The following TBC1D5 variants were observed in gnomAD, a reference collection of about 807,000 sequenced individuals.
The protein encoded by TBC1D5 is TBC1 domain family member 5.
TBC1D5 carries 75 observed loss-of-function variants against 100.3 expected under a neutral mutation model. That is an observed-to-expected ratio of 0.75 (90% confidence interval 0.62 to 0.91). The LOEUF (loss-of-function observed/expected upper bound fraction) is 0.91, where lower values mean the gene tolerates loss of function less well. Ranked by LOEUF, TBC1D5 falls within the 40% of genes least tolerant of loss-of-function variation. TBC1D5 has a pLI of 0.00. For synonymous variants in TBC1D5, 323 were observed against 325.6 expected (o/e 0.99, Z 0.09); for missense variants, 910 against 942.4 (o/e 0.97, Z 0.45).
chr3:17,593,898 T>C (rs146937912), intron 2 of TBC1D5, among the ~76,000 whole-genome samples: 1 of 152,248 alleles, frequency 6.6e-6, no homozygotes, highest in Non-Finnish European at 1.5e-5. Context: ...CGGCGTCTAA[T>C]ATATGGTACT....
At chr3:17,609,008 T>C (rs1018440390) in intron 2 of TBC1D5, among the ~76,000 whole-genome samples, 3 of 152,222 alleles carry the variant, frequency 2.0e-5, no homozygotes, top group East Asian at 3.8e-4. Flanking sequence ...ACTATTTTGC[T>C]TCCTAGATCT....
intron 15 of TBC1D5, among the ~76,000 whole-genome samples, chr3:17,266,570 A>G (rs2078874299): frequency 6.6e-6 from 1 of 152,184 alleles, no homozygotes; most frequent in Non-Finnish European, 1.5e-5. Flanking sequence ...TACTTAGTAT[A>G]AAATAAATTC....
At chr3:17,678,556 C>T (rs1221368388) in intron 1 of TBC1D5, among the ~76,000 whole-genome samples, 5 of 150,778 alleles carry the variant, frequency 3.3e-5, no homozygotes, top group African/African-American at 9.8e-5. Flanking sequence ...AGAAAAGACA[C>T]TAAGAAGCAA....
At chr3:17,206,987 G>T (rs6442673) in intron 18 of TBC1D5, among the ~76,000 whole-genome samples, 152,292 of 152,292 alleles carry the variant, frequency 1, 76,146 homozygotes, top group Non-Finnish European at 1. Context: ...CAAGCTGGAG[G>T]TCAGTGGCAC....
At chr3:17,429,676 G>T (rs989722882) in intron 3 of TBC1D5, among the ~76,000 whole-genome samples, 4 of 151,820 alleles carry the variant, frequency 2.6e-5, no homozygotes, top group Admixed American at 2.0e-4. Context: ...AGTATCTAAG[G>T]TACTATACTT....
At chr3:17,735,308 A>AACTAAAAGTTACG (rs2076876537) in intron 1 of TBC1D5, among the ~76,000 whole-genome samples, 1 of 152,220 alleles carries the variant, frequency 6.6e-6, no homozygotes, top group African/African-American at 2.4e-5. Flanking sequence ...ATGAAATAGT[A>AACTAAAAGTTACG]TGGGGCCACT....
At chr3:17,355,502 A>G (rs1046531234) in intron 13 of TBC1D5, among the ~76,000 whole-genome samples, 1 of 152,160 alleles carries the variant, frequency 6.6e-6, no homozygotes, top group Non-Finnish European at 1.5e-5. Flanking sequence ...TACAAGTTTT[A>G]CTCTAAAGTA....
intron 1 of TBC1D5, among the ~76,000 whole-genome samples, chr3:17,723,103 T>C (rs1227466890): frequency 6.6e-6 from 1 of 152,194 alleles, no homozygotes; most frequent in Non-Finnish European, 1.5e-5. Context: ...AGTGCAACTA[T>C]TATTAACTAT....
In TBC1D5 at chr3:17,258,217, A is replaced by C. The variant is rs79385134; in HGVS notation, c.1331+289T>G. On this transcript the variant is annotated intron_variant, in intron 16 of 21. Coordinates refer to ENST00000253692, the Ensembl canonical transcript of TBC1D5. ...ATCAACAGCAAAAATCTAGAAAGAG[A>C]TTATACAAGTAGGCACAATTTATGC... 2.0e-5 allele frequency among the ~76,000 whole-genome samples: 3 copies of C among 152,258 alleles called. No individual in the cohort carries two copies. In the East Asian group the frequency reaches 5.8e-4, roughly 29 times the overall value.
At chr3:17,508,425 A>T (rs951258880) in intron 3 of TBC1D5, 49 bp downstream of exon 3, 14 of 1,469,484 alleles carry the variant, frequency 9.5e-6, no homozygotes, top group Non-Finnish European at 1.2e-5. Flanking sequence ...GCCCTCTGCT[A>T]GGTTTCCCAG....
At chr3:17,443,164 A>T (rs1395804270) in intron 3 of TBC1D5, among the ~76,000 whole-genome samples, 1 of 152,228 alleles carries the variant, frequency 6.6e-6, no homozygotes, top group African/African-American at 2.4e-5. Flanking sequence ...ACAAAGACTT[A>T]AAGAAGCTAT....
chr3:17,544,982 A>T (rs1469910076), intron 2 of TBC1D5, among the ~76,000 whole-genome samples: 2 of 152,218 alleles, frequency 1.3e-5, no homozygotes, highest in Non-Finnish European at 2.9e-5. Context: ...TTATTTTACA[A>T]TTAATTGTAT....
chr3:17,557,888 A>G (rs1382108515), intron 2 of TBC1D5, among the ~76,000 whole-genome samples: 2 of 152,210 alleles, frequency 1.3e-5, no homozygotes. Flanking sequence ...AAACAGGGGT[A>G]TACTGAATTT....
intron 13 of TBC1D5, among the ~76,000 whole-genome samples, chr3:17,359,360 A>G (rs959810905): frequency 6.6e-6 from 1 of 152,102 alleles, no homozygotes; most frequent in Non-Finnish European, 1.5e-5. Flanking sequence ...TCTTATATTT[A>G]GGTCAGAAAA....
chr3:17,429,341 T>G (rs1283627601), intron 3 of TBC1D5, among the ~76,000 whole-genome samples: 3 of 151,928 alleles, frequency 2.0e-5, no homozygotes, highest in Non-Finnish European at 4.4e-5. Context: ...TTTTTAAATA[T>G]ATACTTCAAA....
intron 18 of TBC1D5, among the ~76,000 whole-genome samples, chr3:17,190,143 T>G (rs1575834768): frequency 6.6e-6 from 1 of 152,352 alleles, no homozygotes; most frequent in East Asian, 1.9e-4. Context: ...TTTCATAGTT[T>G]ATTATTCATT....
At chr3:17,227,852 GTTTTT>G (rs34995201) in intron 17 of TBC1D5, among the ~76,000 whole-genome samples, 1 of 139,048 alleles carries the variant, frequency 7.2e-6, no homozygotes, top group South Asian at 2.4e-4. Flanking sequence ...TAAAATAAAA[GTTTTT>G]TTTTTTTTTT....
intron 2 of TBC1D5, among the ~76,000 whole-genome samples, chr3:17,589,464 T>C (rs1468561914): frequency 2.0e-5 from 3 of 152,186 alleles, no homozygotes; most frequent in Non-Finnish European, 2.9e-5. Flanking sequence ...GCTGTTCTTG[T>C]GATAGTGATT....
chr3:17,725,182 A>G (rs2076021130), intron 1 of TBC1D5, among the ~76,000 whole-genome samples: 1 of 152,140 alleles, frequency 6.6e-6, no homozygotes, highest in African/African-American at 2.4e-5. Flanking sequence ...CTGTGAACTA[A>G]TTCTATGGAA....
Sources: allele counts gnomAD v4.1 joint callset (sites outside exome capture counted in the v4.1 genomes callset), GRCh38; gene constraint gnomAD v4.1.1; transcripts MANE v1.5; gene names NCBI Gene and HGNC (gene_info 2026-07-23, HGNC 2026-07-21).